The following FAF1 variants were observed in gnomAD, a reference collection of about 807,000 sequenced individuals.
The protein encoded by FAF1 is FAS-associated factor 1.
In FAF1, 25 loss-of-function variants were observed where a neutral mutation model predicts 92.5. The observed-to-expected ratio is 0.27, with a 90% CI of 0.20 to 0.38. The LOEUF (loss-of-function observed/expected upper bound fraction) is 0.38. Among genes scored for constraint, FAF1 ranks in the 10% least tolerant of loss-of-function variants. The pLI is 1.00. For synonymous variants in FAF1, 234 were observed against 273.2 expected, an observed-to-expected ratio of 0.86 and a Z score of 1.42; for missense variants, 636 against 793.3, an observed-to-expected ratio of 0.80 and a Z score of 2.38.
chr1:50,828,104 T>G (rs1202982291), intron 2 of FAF1, among the ~76,000 whole-genome samples: 1 of 152,144 alleles, frequency 6.6e-6, no homozygotes, highest in East Asian at 1.9e-4. Context: ...TCAAGACTTT[T>G]AATAAATAAA....
intron 1 of FAF1, among the ~76,000 whole-genome samples, chr1:50,880,016 C>T (rs964801059): frequency 6.6e-6 from 1 of 152,162 alleles, no homozygotes; most frequent in Non-Finnish European, 1.5e-5. Flanking sequence ...AAACACATAT[C>T]ATTTCATCTT....
chr1:50,869,918 T>C (rs1338702135), intron 1 of FAF1, among the ~76,000 whole-genome samples: 1 of 152,212 alleles, frequency 6.6e-6, no homozygotes, highest in African/African-American at 2.4e-5. Flanking sequence ...GATTGTGGCT[T>C]CTCCTGTGGT....
chr1:50,948,062 G>C (rs1465745076), intron 1 of FAF1, among the ~76,000 whole-genome samples: 1 of 152,122 alleles, frequency 6.6e-6, no homozygotes, highest in Non-Finnish European at 1.5e-5. Flanking sequence ...CAAAAGAAGA[G>C]AGATGTACAA....
intron 7 of FAF1, among the ~76,000 whole-genome samples, chr1:50,689,383 G>A (rs1026893869): frequency 2.6e-5 from 4 of 152,152 alleles, no homozygotes; most frequent in African/African-American, 9.7e-5. Flanking sequence ...AGGAGATACA[G>A]ACCATCCTCG....
At chr1:50,452,339 T>C in intron 18 of FAF1, 1 of 366,618 alleles carries the variant, frequency 2.7e-6, no homozygotes, top group Non-Finnish European at 5.2e-6. Flanking sequence ...CTAATGCAGA[T>C]GAGCCCCAGC....
chr1:50,939,415 T>C (rs1393313863), intron 1 of FAF1, among the ~76,000 whole-genome samples: 1 of 152,256 alleles, frequency 6.6e-6, no homozygotes. Flanking sequence ...ACACTGATTT[T>C]ATATCCTGAA....
rs751496905 is a variant in FAF1 at position 50,959,740 on chromosome 1, G to T, written c.45+27C>A. The T allele has an allele frequency of 4.4e-6, 7 of 1,594,766 alleles. No homozygotes were observed. In the Admixed American group the frequency reaches 1.2e-4, roughly 27 times the overall value. On this transcript the variant is annotated intron_variant, in intron 1 of 18. Transcript: ENST00000396153. ...CCGGAAACCCACGAGGTTGGAAGTGGGAGGGGAAGAGGGCCAGATACTTCA... is the reference window on the plus strand; with the variant it reads ...CCGGAAACCCACGAGGTTGGAAGTGTGAGGGGAAGAGGGCCAGATACTTCA...
intron 12 of FAF1, among the ~76,000 whole-genome samples, chr1:50,569,867 C>A (rs1305826593): frequency 1.3e-5 from 2 of 152,094 alleles, no homozygotes; most frequent in South Asian, 2.1e-4. Flanking sequence ...GTGCAGCCGA[C>A]AGTGTTGACT....
At chr1:50,921,812 T>C (rs539541671) in intron 1 of FAF1, among the ~76,000 whole-genome samples, 64 of 151,992 alleles carry the variant, frequency 4.2e-4, no homozygotes, top group African/African-American at 1.1e-3. Context: ...ATAAAATTCA[T>C]TGGTAGAGAG....
chr1:50,880,673 CTG>C (rs1055514850), intron 1 of FAF1, among the ~76,000 whole-genome samples: 3 of 152,200 alleles, frequency 2.0e-5, no homozygotes, highest in African/African-American at 7.2e-5. Context: ...GCCTCCAGAA[CTG>C]TGAGAAAATT....
chr1:50,879,116 G>A (rs1422588635), intron 1 of FAF1, among the ~76,000 whole-genome samples: 1 of 152,066 alleles, frequency 6.6e-6, no homozygotes, highest in African/African-American at 2.4e-5. Flanking sequence ...TGTATGGTGG[G>A]CACCTGTAAC....
chr1:50,627,013 A>T (rs1653532987), intron 8 of FAF1, among the ~76,000 whole-genome samples: 1 of 152,012 alleles, frequency 6.6e-6, no homozygotes, highest in Non-Finnish European at 1.5e-5. Flanking sequence ...TAGAATACTT[A>T]AGAAGAAGAT....
intron 4 of FAF1, among the ~76,000 whole-genome samples, chr1:50,769,402 C>T (rs1403501611): frequency 6.6e-6 from 1 of 152,186 alleles, no homozygotes; most frequent in Non-Finnish European, 1.5e-5. Flanking sequence ...TAAAACCATT[C>T]CAAATGCTTG....
intron 15 of FAF1, among the ~76,000 whole-genome samples, chr1:50,510,693 G>A (rs1000776116): frequency 6.6e-6 from 1 of 152,094 alleles, no homozygotes; most frequent in Non-Finnish European, 1.5e-5. Context: ...CATTTCAAAA[G>A]TCTGACAACA....
intron 6 of FAF1, among the ~76,000 whole-genome samples, chr1:50,712,425 G>A (rs559853141): frequency 3.9e-4 from 60 of 152,290 alleles, no homozygotes; most frequent in Admixed American, 1.9e-3. Flanking sequence ...GGAGGCAGAG[G>A]TGGGTGTATC....
intron 2 of FAF1, among the ~76,000 whole-genome samples, chr1:50,850,954 A>G (rs1473774758): frequency 1.3e-5 from 2 of 152,194 alleles, no homozygotes; most frequent in African/African-American, 4.8e-5. Context: ...TGCTACAATG[A>G]TATTTTGTTT....
At chr1:50,815,031 C>T (rs115851210) in intron 2 of FAF1, among the ~76,000 whole-genome samples, 1 of 151,984 alleles carries the variant, frequency 6.6e-6, no homozygotes, top group Non-Finnish European at 1.5e-5. Flanking sequence ...TCTGGGTATA[C>T]AATAAAAAGA....
At chr1:50,732,191 C>T (rs903618041) in intron 6 of FAF1, among the ~76,000 whole-genome samples, 4 of 152,232 alleles carry the variant, frequency 2.6e-5, no homozygotes, top group African/African-American at 9.6e-5. Flanking sequence ...TCTCCCACCT[C>T]AGCCTCCCGA....
intron 1 of FAF1, among the ~76,000 whole-genome samples, chr1:50,953,468 C>T (rs148049255): frequency 1.5e-3 from 221 of 152,014 alleles, no homozygotes; most frequent in African/African-American, 5.1e-3. Flanking sequence ...GACGCAGTGG[C>T]TCACAGCGCC....
Sources: allele counts gnomAD v4.1 joint callset (sites outside exome capture counted in the v4.1 genomes callset), GRCh38; gene constraint gnomAD v4.1.1; transcripts MANE v1.5; gene names NCBI Gene and HGNC (gene_info 2026-07-23, HGNC 2026-07-21).